The following SCN1B variants were observed in gnomAD, a reference collection of about 807,000 sequenced individuals.
SCN1B encodes the protein sodium channel regulatory subunit beta-1.
SCN1B carries 11 observed loss-of-function variants against 25.7 expected under a neutral mutation model. The ratio of observed to expected loss-of-function variants is 0.43; its 90% CI spans 0.27 to 0.71. The LOEUF (loss-of-function observed/expected upper bound fraction) is 0.71, where lower values mean the gene tolerates loss of function less well. SCN1B is among the 30% of genes least tolerant of loss of function. SCN1B has a pLI of 0.21. For missense variants in SCN1B, 224 were observed against 291.5 expected (o/e 0.77, Z 1.69); for synonymous variants, 119 against 117.5 (o/e 1.01, Z -0.08).
At chr19:35,038,925 C>T (rs1387725118) in intron 3 of SCN1B, 192 bp from the exon 4 acceptor site, 5 of 661,058 alleles carry the variant, frequency 7.6e-6, no homozygotes, top group Middle Eastern at 4.1e-4. Flanking sequence ...GATGTGGCCT[C>T]GAGTTACACA....
chr19:35,034,067 T>A, intron 3 of SCN1B: 1 of 1,551,376 alleles, frequency 6.4e-7, no homozygotes, highest in East Asian at 2.4e-5. Flanking sequence ...CCCGGGATAA[T>A]AATCCGATGT....
chr19:35,033,533 A>T lies in SCN1B; in HGVS notation c.242A>T (p.Glu81Val). 1 of 1,613,894 alleles carries T rather than the reference A, an allele frequency of 6.2e-7. No individual in the cohort carries two copies. Among genetic ancestry groups the T allele is most frequent in the Non-Finnish European group, 8.5e-7 (1 of 1,179,930 alleles). Residue 81 changes from glutamate to valine, a missense_variant, in exon 3 of 6, where the codon GAG (glutamate) becomes GTG (valine). Around this residue, in one of 3 missense-constraint regions of SCN1B, gnomAD observed 126 missense variants for 204.9 expected, o/e 0.61. Transcript: ENST00000262631. Reference sequence around the variant, plus strand: ...TATGAGAATGAGGTGTTGCAGCTGGAGGAGGATGAGCGCTTCGAGGGCCGC... The same window carrying T: ...TATGAGAATGAGGTGTTGCAGCTGGTGGAGGATGAGCGCTTCGAGGGCCGC... ...LRYENEVLQLEEDERFEGRVV... is the reference protein window; with the variant it reads ...LRYENEVLQLVEDERFEGRVV...
chr19:35,034,347 C>G (rs1313412106), intron 3 of SCN1B: 1 of 590,890 alleles, frequency 1.7e-6, no homozygotes, highest in Admixed American at 3.1e-5. Flanking sequence ...CTGGGGCGGG[C>G]CTAGGGGTCC....
Position 35,032,461 on chromosome 19 carries a change from G to T in SCN1B, c.41-67G>T. The T allele has an allele frequency of 6.3e-7, 1 of 1,580,270 alleles. No individual in the cohort carries two copies. The highest frequency in any genetic ancestry group is 8.6e-7 in the Non-Finnish European group (1 of 1,157,692). On this transcript the variant is annotated intron_variant, in intron 1 of 5. Transcript: ENST00000262631. This position sits in a 1 kb window ranked among gnomAD's most constrained non-coding sequence, Gnocchi z 4.3. ...TCATTGAGGGGGGAACAGATGGTTT[G>T]TGAGGGGTCTGGCATTGCTTAGGGC...
rs1387500580 is a variant in SCN1B at position 35,033,592 on chromosome 19, C to T, written c.301C>T (p.Leu101=). The change falls in exon 3 of 6, where the codon CTG becomes TTG. Residue 101 remains leucine, a synonymous_variant. Transcript: ENST00000262631. ...VWNGSRGTKD[L]QDLSIFITNV... is the part of the protein sequence containing the mutation. ...GAATGGCAGCCGGGGCACCAAAGAC[C>T]TGCAGGATCTGTCTATCTTCATCAC... 1 of 1,614,134 alleles carries T rather than the reference C, an allele frequency of 6.2e-7. No individual in the cohort carries two copies. The highest frequency in any genetic ancestry group is 8.5e-7 in the Non-Finnish European group (1 of 1,179,984).
rs1436161923 is a variant in SCN1B at position 35,039,170 on chromosome 19, G to C, written c.502G>C (p.Val168Leu). The change falls in exon 4 of 6, where the codon GTG (valine) becomes CTG (leucine). Residue 168 changes from valine (V) to leucine (L), a missense_variant. Around this residue, in one of 3 missense-constraint regions of SCN1B, gnomAD observed 126 missense variants for 204.9 expected, o/e 0.61. Transcript: ENST00000262631. ...TGAGATCATGATGTATGTGCTCATT[G>C]TGGTGTTGACCATATGGCTCGTGGC... ...VSEIMMYVLI[V>L]VLTIWLVAEM... The C allele has an allele frequency of 1.2e-6, 2 of 1,614,108 alleles. No homozygotes were observed. The highest frequency in any genetic ancestry group is 1.7e-6 in the Non-Finnish European group (2 of 1,180,038).
intron 3 of SCN1B, 30 bp from the exon 4 acceptor site, chr19:35,039,087 T>TACCCCCTTAACCCTGCCTGGCCC (rs763521414): frequency 8.7e-6 from 14 of 1,613,718 alleles, no homozygotes; most frequent in Admixed American, 6.7e-5. Flanking sequence ...CAGCCTGGGC[T>TACCCCCTTAACCCTGCCTGGCCC]ACCCCCTTAA....
intron 3 of SCN1B, chr19:35,034,400 G>A (rs950430191): frequency 1.1e-5 from 5 of 439,772 alleles, no homozygotes; most frequent in African/African-American, 2.0e-5. Flanking sequence ...CCACAGGTGC[G>A]GGGCCCACCC....
intron 4 of SCN1B, 85 bp from the exon 5 acceptor site, chr19:35,039,550 G>T (rs2064271658): frequency 1.5e-6 from 2 of 1,362,958 alleles, no homozygotes; most frequent in Admixed American, 1.7e-5. Context: ...TGTACCTGGG[G>T]TGGAGACCGC....
chr19:35,039,273 T>C lies in SCN1B; in HGVS notation c.590+15T>C. 1 of 1,610,518 alleles carries C rather than the reference T, an allele frequency of 6.2e-7. No homozygotes were observed. Among genetic ancestry groups the C allele is most frequent in the Non-Finnish European group, 8.5e-7 (1 of 1,179,962 alleles). On this transcript the variant is annotated intron_variant, in intron 4 of 5. Transcript: ENST00000262631. ...CAGGAGAATGCGTGAGTAGGGTGGC[T>C]GGGAGGTGGGAGGGCACCCAGGGCA...
Position 35,040,279 on chromosome 19 carries a change from G to T in SCN1B, c.*488G>T, listed in dbSNP as rs972294003. On this transcript the variant is annotated 3_prime_UTR_variant, in exon 6 of 6. Transcript: ENST00000262631. ...CCTCCCCGGCATCATTTCCCCTCCC[G>T]CTTCCTCCGGCTGGACCTGGGGTCC... The T allele has an allele frequency of 7.8e-5, 13 of 166,470 alleles. No homozygotes were observed. The highest frequency in any genetic ancestry group is 1.2e-4 in the Non-Finnish European group (9 of 75,674). 10.3% of individuals were successfully genotyped at this position (166,470 alleles called of 1,614,324 possible).
At position 35,032,523 on chromosome 19, in the gene SCN1B, C is replaced by T. The variant is rs747279999; in HGVS notation, c.41-5C>T. 6 of 1,613,582 alleles carry T rather than the reference C, an allele frequency of 3.7e-6. No individual in the cohort carries two copies. The East Asian group carries it at 1.3e-4, about 36-fold the overall frequency. ...CTGCCTGACCTGAGCCTGCTGTCCC[C>T]ACAGTGTCCTCAGCCTGCGGGGGCT... On this transcript the variant is annotated splice_polypyrimidine_tract_variant and splice_region_variant and intron_variant, in intron 1 of 5. Coordinates refer to ENST00000262631, the MANE Select transcript of SCN1B (RefSeq NM_001037.5). The surrounding 1 kb of genome is among the most constrained non-coding windows in gnomAD (Gnocchi z 4.3).
In SCN1B at chr19:35,040,034, G is replaced by A; in HGVS notation, c.*243G>A. ...TGATGGGTAAAGCAATACTGCCGCT[G>A]CCCCCACCCTGCTTCTGCTGCCTGT... On this transcript the variant is annotated 3_prime_UTR_variant, in exon 6 of 6. Coordinates refer to ENST00000262631, the MANE Select transcript of SCN1B (RefSeq NM_001037.5). The A allele has an allele frequency of 2.9e-6, 1 of 348,436 alleles. No homozygotes were observed. Among genetic ancestry groups the A allele is most frequent in the Non-Finnish European group, 5.5e-6 (1 of 180,794 alleles). 21.6% of individuals were successfully genotyped at this position (348,436 alleles called of 1,614,324 possible).
Position 35,030,816 on chromosome 19 carries a change from C to T in SCN1B, c.-5C>T. ...GGAGGGGGGCGCAGCACGCGCCGCG[C>T]AGCCATGGGGAGGCTGCTGGCCTTA... On this transcript the variant is annotated 5_prime_UTR_variant, in exon 1 of 6. Transcript: ENST00000262631. 1.8e-6 allele frequency: 2 copies of T among 1,091,714 alleles called. No individual in the cohort carries two copies. The highest frequency in any genetic ancestry group is 2.3e-6 in the Non-Finnish European group (2 of 860,420). The allele number at this position is 1,091,714 out of a possible 1,614,324, so 67.6% of individuals were successfully genotyped here.
rs749926082 is a variant in SCN1B, at chr19:35,032,895, GTAAAGA to G, written c.207+202_207+207del. On this transcript the variant is annotated intron_variant, in intron 2 of 5. Transcript: ENST00000262631. The surrounding 1 kb of genome is among the most constrained non-coding windows in gnomAD (Gnocchi z 4.3). ...TCTCTGAAAGTCAGTTTCCTCCTCGGTAAAGACGGGGTGGCGGTGGTCTCTAGCCCA... is the reference window on the plus strand; with the variant it reads ...TCTCTGAAAGTCAGTTTCCTCCTCGGCGGGGTGGCGGTGGTCTCTAGCCCA... Among the ~76,000 whole-genome samples, 27 of 152,292 alleles carry G rather than the reference GTAAAGA, an allele frequency of 1.8e-4. No individual in the cohort carries two copies. Among genetic ancestry groups the G allele is most frequent in the Non-Finnish European group, 3.5e-4 (24 of 68,024 alleles).
Position 35,039,994 on chromosome 19 carries a change from G to A in SCN1B, c.*203G>A. 3.9e-6 allele frequency: 2 copies of A among 510,734 alleles called. No individual in the cohort carries two copies. The highest frequency in any genetic ancestry group is 7.0e-5 in the East Asian group (2 of 28,378). The allele number at this position is 510,734 out of a possible 1,614,324, so 31.6% of individuals were successfully genotyped here. A position where few individuals can be genotyped will look rare whatever the true frequency, so the allele number is the denominator to read the frequency against. On this transcript the variant is annotated 3_prime_UTR_variant, in exon 6 of 6. Transcript: ENST00000262631. ...TCCTCCAGCTCCTGCCCCGCCGGCC[G>A]CGCACCGCCATGCATGATGGGTAAA...
chr19:35,030,757 C>A lies in SCN1B; in HGVS notation c.-64C>A, dbSNP rs1270749124. The A allele has an allele frequency of 1.9e-6, 1 of 540,520 alleles. No individual in the cohort carries two copies. The highest frequency in any genetic ancestry group is 2.1e-5 in the South Asian group (1 of 48,126). 33.5% of individuals were successfully genotyped at this position (540,520 alleles called of 1,614,324 possible). On this transcript the variant is annotated 5_prime_UTR_variant, in exon 1 of 6. Transcript: ENST00000262631. ...CATTCTAACCGCCGCCAGGTCCCGC[C>A]GCCTCTCGCCCCGCTATTAATACCG... is the stretch of plus-strand genomic sequence containing the variant.
Position 35,032,740 on chromosome 19 carries a change from G to A in SCN1B, c.207+46G>A. ...GGCATGGGAGGGCAGGGGTCCACGAGTGGGAGGCGGTGGGGCTGGATCTCA... is the reference window on the plus strand; with the variant it reads ...GGCATGGGAGGGCAGGGGTCCACGAATGGGAGGCGGTGGGGCTGGATCTCA... On this transcript the variant is annotated intron_variant, in intron 2 of 5. Transcript: ENST00000262631. The surrounding 1 kb of genome is among the most constrained non-coding windows in gnomAD (Gnocchi z 4.3). 1 of 1,594,142 alleles carries A rather than the reference G, an allele frequency of 6.3e-7. No homozygotes were observed. The highest frequency in any genetic ancestry group is 1.1e-5 in the South Asian group (1 of 90,644).
Position 35,039,781 on chromosome 19 carries a change from T to C in SCN1B, c.*6-16T>C. ...TCCCCCAGGTCCCTAATTCCCCCTC[T>C]CTTGCTCCCCTTCAGGCCCTGGGCC... On this transcript the variant is annotated splice_polypyrimidine_tract_variant and intron_variant, in intron 5 of 5. Transcript: ENST00000262631. The C allele has an allele frequency of 2.1e-6, 3 of 1,461,196 alleles. No homozygotes were observed. The highest frequency in any genetic ancestry group is 2.9e-6 in the Non-Finnish European group (3 of 1,051,196). 90.5% of individuals were successfully genotyped at this position (1,461,196 alleles called of 1,614,324 possible).
Sources: allele counts gnomAD v4.1 joint callset (sites outside exome capture counted in the v4.1 genomes callset), GRCh38; gene constraint gnomAD v4.1.1; regional missense constraint gnomAD v4.1.1; non-coding constraint Gnocchi (gnomAD v3.1); transcripts MANE v1.5; gene names NCBI Gene and HGNC (gene_info 2026-07-23, HGNC 2026-07-21).